The following ZNF860 variants were observed in gnomAD, a reference collection of about 807,000 sequenced individuals.
The protein encoded by ZNF860 is zinc finger protein 860.
For missense variants in ZNF860, 641 were observed against 759.2 expected (o/e 0.84, Z 1.83); for synonymous variants, 206 against 248.9 (o/e 0.83, Z 1.62).
the ZNF860 span, among the ~76,000 whole-genome samples, chr3:32,001,306 A>G: frequency 3.5e-4 from 53 of 152,260 alleles, 1 homozygote; most frequent in Middle Eastern, 0.014. Context: ...GCTGGGCTCT[A>G]TATTAACCCC....
chr3:31,985,284 C>T (rs1443349258), intron 1 of ZNF860, among the ~76,000 whole-genome samples: 1 of 152,044 alleles, frequency 6.6e-6, no homozygotes, highest in Non-Finnish European at 1.5e-5. Context: ...CACAAATGCT[C>T]AATATAAGGA....
the ZNF860 span, among the ~76,000 whole-genome samples, chr3:32,005,232 C>A: frequency 2.0e-5 from 3 of 151,954 alleles, no homozygotes; most frequent in African/African-American, 7.3e-5. Flanking sequence ...CCCCTTGCCC[C>A]CTATCCCCAA....
At chr3:31,985,021 G>A (rs376730701) in intron 1 of ZNF860, among the ~76,000 whole-genome samples, 2 of 152,172 alleles carry the variant, frequency 1.3e-5, no homozygotes, top group South Asian at 4.1e-4. Flanking sequence ...GGCGGGTCAC[G>A]TGAGGTCAGG....
Position 31,989,002 on chromosome 3 carries a change from A to G in ZNF860, c.-78A>G. On this transcript the variant is annotated 5_prime_UTR_variant, in exon 2 of 2. Coordinates refer to ENST00000360311, the MANE Select transcript of ZNF860 (RefSeq NM_001137674.3). ...GTTTGTGATAATTTGTTTCTCGGAA[A>G]CAGATAACTAATACAGAGCAGGAAG... 1 of 1,556,454 alleles carries G rather than the reference A, an allele frequency of 6.4e-7. No individual in the cohort carries two copies. The highest frequency in any genetic ancestry group is 2.2e-5 in the East Asian group (1 of 44,480).
At chr3:31,994,227 G>C (rs1342715844), downstream of ZNF860, among the ~76,000 whole-genome samples, 1 of 152,192 alleles carries the variant, frequency 6.6e-6, no homozygotes, top group Non-Finnish European at 1.5e-5. Context: ...TAAGAGTGGA[G>C]CAAGTGTTTG....
chr3:31,984,944 A>C, intron 1 of ZNF860, among the ~76,000 whole-genome samples: 1 of 152,216 alleles, frequency 6.6e-6, no homozygotes, highest in East Asian at 1.9e-4. Context: ...GGTATGATTA[A>C]AAATATTGGC....
intron 1 of ZNF860, among the ~76,000 whole-genome samples, chr3:31,983,439 T>G (rs951903488): frequency 6.6e-6 from 1 of 152,196 alleles, no homozygotes; most frequent in African/African-American, 2.4e-5. Flanking sequence ...AATTCTCACC[T>G]TGGACTAAAA....
chr3:31,986,632 A>G (rs1698937658), intron 1 of ZNF860, among the ~76,000 whole-genome samples: 1 of 152,206 alleles, frequency 6.6e-6, no homozygotes, highest in Non-Finnish European at 1.5e-5. Flanking sequence ...ATACAAATAT[A>G]CAAATAAAAT....
At chr3:32,005,748 C>T in the ZNF860 span, among the ~76,000 whole-genome samples, 2 of 151,760 alleles carry the variant, frequency 1.3e-5, no homozygotes, top group East Asian at 1.9e-4. Flanking sequence ...CCGCCATGCC[C>T]AGCTAATTTT....
the ZNF860 span, among the ~76,000 whole-genome samples, chr3:31,999,424 A>C: frequency 6.7e-6 from 1 of 148,402 alleles, no homozygotes; most frequent in African/African-American, 2.5e-5. Flanking sequence ...ACAATGGCAC[A>C]ATCTCGGCTC....
downstream of ZNF860, among the ~76,000 whole-genome samples, chr3:31,993,494 C>T (rs1299513982): frequency 6.6e-6 from 1 of 152,136 alleles, no homozygotes; most frequent in African/African-American, 2.4e-5. Context: ...AGGCATGAGC[C>T]ACCGCGCCCA....
chr3:31,998,084 G>T, the ZNF860 span, among the ~76,000 whole-genome samples: 4 of 152,140 alleles, frequency 2.6e-5, no homozygotes, highest in Non-Finnish European at 4.4e-5. Context: ...GCCGTGCCCA[G>T]CTATAGCCTC....
chr3:31,989,767 T>G lies in ZNF860; in HGVS notation c.688T>G (p.Phe230Val). Residue 230 changes from phenylalanine to valine, a missense_variant, in exon 2 of 2, where the codon TTC becomes GTC. Transcript: ENST00000360311. ...KQEVHIREKS[F>V]QCNESGKAFN... ...GGAAGTACACATAAGAGAAAAATCT[T>G]TCCAATGTAATGAGAGTGGCAAAGC... 5.0e-6 allele frequency: 8 copies of G among 1,614,210 alleles called. No homozygotes were observed. The highest frequency in any genetic ancestry group is 6.8e-6 in the Non-Finnish European group (8 of 1,180,020).
chr3:31,984,348 GT>G (rs144693842), intron 1 of ZNF860, among the ~76,000 whole-genome samples: 68 of 145,492 alleles, frequency 4.7e-4, no homozygotes, highest in South Asian at 1.5e-3. Context: ...CCCACCTAAG[GT>G]TTTTTTTTTT....
chr3:32,004,643 G>A, the ZNF860 span, among the ~76,000 whole-genome samples: 1 of 152,116 alleles, frequency 6.6e-6, no homozygotes, highest in South Asian at 2.1e-4. Flanking sequence ...AAAATGTTCT[G>A]AGTTTTCTTT....
chr3:31,995,909 T>C (rs150422135), downstream of ZNF860, among the ~76,000 whole-genome samples: 3 of 152,234 alleles, frequency 2.0e-5, no homozygotes, highest in African/African-American at 7.2e-5. Context: ...TAACCATCCA[T>C]GACATCTCCC....
At chr3:31,982,254 C>T (rs970885916) in intron 1 of ZNF860, among the ~76,000 whole-genome samples, 1 of 152,190 alleles carries the variant, frequency 6.6e-6, no homozygotes, top group Non-Finnish European at 1.5e-5. Flanking sequence ...CCTAAAGATA[C>T]TCTTTCTATC....
chr3:31,998,846 T>C, the ZNF860 span, among the ~76,000 whole-genome samples: 3 of 152,220 alleles, frequency 2.0e-5, no homozygotes, highest in Admixed American at 1.3e-4. Context: ...ATGGAGAGTT[T>C]CCAACTAAAA....
intron 1 of ZNF860, among the ~76,000 whole-genome samples, chr3:31,984,376 G>A (rs747957464): frequency 1.3e-5 from 2 of 151,562 alleles, no homozygotes; most frequent in Non-Finnish European, 2.9e-5. Flanking sequence ...ATAGTTTGGT[G>A]GGCAGAGGGC....
Sources: gnomAD v4.1 joint callset for allele counts (sites outside exome capture counted in the v4.1 genomes callset) on GRCh38, gnomAD v4.1.1 for gene constraint, MANE v1.5 for transcripts, NCBI Gene and HGNC (gene_info 2026-07-23, HGNC 2026-07-21) for gene names.